The following ZNF420 variants were observed in gnomAD, a reference collection of about 807,000 sequenced individuals.
The protein encoded by ZNF420 is ATM and p53-associated KZNF protein.
Under a neutral mutation model 44.7 loss-of-function variants are expected in ZNF420, and 31 were observed. The observed-to-expected ratio is 0.69, with a 90% CI of 0.52 to 0.94. The LOEUF is 0.94. Ranked by LOEUF, ZNF420 falls within the 40% of genes least tolerant of loss-of-function variation. The pLI is 0.00. For missense variants in ZNF420, 681 were observed against 827.9 expected (o/e 0.82, Z 2.18); for synonymous variants, 245 against 267.4 (o/e 0.92, Z 0.82).
At chr19:37,095,067 G>T (rs1350162739) in intron 4 of ZNF420, among the ~76,000 whole-genome samples, 2 of 150,586 alleles carry the variant, frequency 1.3e-5, no homozygotes, top group Non-Finnish European at 2.9e-5. Flanking sequence ...GGAGGCGGAG[G>T]TTGCAGTGAG....
At chr19:37,123,473 C>T (rs1454232444) in intron 4 of ZNF420, among the ~76,000 whole-genome samples, 1 of 152,048 alleles carries the variant, frequency 6.6e-6, no homozygotes, top group Admixed American at 6.6e-5. Context: ...AAGATACAAC[C>T]TTAGGCTATT....
chr19:37,030,220 G>T (rs1268987900), intron 1 of ZNF420, among the ~76,000 whole-genome samples: 1 of 152,132 alleles, frequency 6.6e-6, no homozygotes, highest in Non-Finnish European at 1.5e-5. Context: ...GGAATGCAGT[G>T]GCGTGATCTC....
intron 3 of ZNF420, among the ~76,000 whole-genome samples, chr19:37,090,109 T>C (rs1222906872): frequency 2.6e-5 from 4 of 152,232 alleles, no homozygotes; most frequent in Non-Finnish European, 1.5e-5. Flanking sequence ...ACAATATACA[T>C]ATTGTATAAA....
At chr19:37,068,732 A>G (rs1968010857) in intron 1 of ZNF420, among the ~76,000 whole-genome samples, 1 of 152,192 alleles carries the variant, frequency 6.6e-6, no homozygotes, top group Admixed American at 6.5e-5. Context: ...GTTTTCAAGA[A>G]GTATATTAAG....
chr19:37,031,936 G>A (rs1264192573), intron 1 of ZNF420, among the ~76,000 whole-genome samples: 1 of 151,330 alleles, frequency 6.6e-6, no homozygotes, highest in Admixed American at 6.6e-5. Context: ...CAGGCGTGGT[G>A]GCTTACACCT....
At chr19:37,024,279 C>T (rs1376205007) in intron 1 of ZNF420, among the ~76,000 whole-genome samples, 1 of 152,116 alleles carries the variant, frequency 6.6e-6, no homozygotes, top group African/African-American at 2.4e-5. Flanking sequence ...TGATTGATCT[C>T]ATGCCTCTCT....
In ZNF420 at chr19:37,086,819, T is replaced by G. The variant is rs548579259; in HGVS notation, c.-80-2220T>G. 6.6e-5 allele frequency among the ~76,000 whole-genome samples: 10 copies of G among 152,368 alleles called. No homozygotes were observed. The East Asian group carries it at 1.9e-3, about 29-fold the overall frequency. ...AGTTTGATGGTGTATCTTCCCATTT[T>G]ACTTTTAGCCCATCTTTATATTTAA... On this transcript the variant is annotated intron_variant, in intron 2 of 4. Transcript: ENST00000337995.
At chr19:37,080,631 T>G (rs541286272) in intron 2 of ZNF420, among the ~76,000 whole-genome samples, 2 of 152,302 alleles carry the variant, frequency 1.3e-5, no homozygotes, top group African/African-American at 4.8e-5. Flanking sequence ...ATAGCTCTAT[T>G]GTGTTATTTA....
intron 1 of ZNF420, among the ~76,000 whole-genome samples, chr19:37,044,631 T>G (rs1967512945): frequency 6.6e-6 from 1 of 151,902 alleles, no homozygotes; most frequent in African/African-American, 2.4e-5. Context: ...TTTGGAAGGC[T>G]GAGGTGAGCG....
intron 4 of ZNF420, among the ~76,000 whole-genome samples, chr19:37,103,503 A>G (rs1969895297): frequency 6.6e-6 from 1 of 152,162 alleles, no homozygotes; most frequent in South Asian, 2.1e-4. Context: ...AATGGTCATG[A>G]CTATTCATCC....
intron 1 of ZNF420, among the ~76,000 whole-genome samples, chr19:37,064,903 TTG>T (rs1434470716): frequency 6.6e-6 from 1 of 151,858 alleles, no homozygotes; most frequent in Admixed American, 6.6e-5. Flanking sequence ...AAAAGACAGT[TTG>T]AGAGAGAAAA....
chr19:37,104,023 CACA>C (rs1262605384), intron 4 of ZNF420, among the ~76,000 whole-genome samples: 1 of 147,966 alleles, frequency 6.8e-6, no homozygotes. Flanking sequence ...GGTACATGTG[CACA>C]ACGTGCAGGT....
In ZNF420 at chr19:37,129,357, TG is replaced by T; in HGVS notation, c.*300del. Reference sequence around the variant, plus strand: ...TCTACTAGTTGATCTTTTTGTTATATGTATCATGATACTTAACCTCTACCTT... The same window carrying T: ...TCTACTAGTTGATCTTTTTGTTATATTATCATGATACTTAACCTCTACCTT... On this transcript the variant is annotated 3_prime_UTR_variant, in exon 5 of 5. Coordinates refer to ENST00000337995, the MANE Select transcript of ZNF420 (RefSeq NM_144689.5). 1 of 329,748 alleles carries T rather than the reference TG, an allele frequency of 3.0e-6. No homozygotes were observed. The highest frequency in any genetic ancestry group is 5.9e-5 in the East Asian group (1 of 16,878). 20.4% of individuals were successfully genotyped at this position (329,748 alleles called of 1,614,324 possible). A position where few individuals can be genotyped will look rare whatever the true frequency, so the allele number is the denominator to read the frequency against.
upstream of ZNF420, among the ~76,000 whole-genome samples, chr19:37,073,510 G>A (rs763123239): frequency 2.6e-5 from 4 of 152,004 alleles, no homozygotes; most frequent in Non-Finnish European, 5.9e-5. Context: ...AGGCCTAGGC[G>A]GGTGGATCAC....
chr19:37,023,147 G>GAA (rs112331823), intron 1 of ZNF420, among the ~76,000 whole-genome samples: 21 of 147,672 alleles, frequency 1.4e-4, no homozygotes, highest in African/African-American at 2.5e-4. Context: ...CAAAGAAAAA[G>GAA]AAAAAAAAAA....
At chr19:37,039,751 A>G (rs1599610240) in intron 1 of ZNF420, among the ~76,000 whole-genome samples, 1 of 148,650 alleles carries the variant, frequency 6.7e-6, no homozygotes, top group East Asian at 2.0e-4. Context: ...CCCAGACTGG[A>G]TTGCAGTGGT....
intron 1 of ZNF420, among the ~76,000 whole-genome samples, chr19:37,029,547 T>TC (rs1489544806): frequency 5.3e-5 from 8 of 151,976 alleles, no homozygotes; most frequent in Middle Eastern, 3.4e-3. Flanking sequence ...TTCTTTTTTT[T>TC]CTTTTACTTT....
intron 4 of ZNF420, chr19:37,092,881 A>G (rs1006417725): frequency 2.6e-5 from 4 of 152,288 alleles, no homozygotes; most frequent in Admixed American, 6.5e-5. Flanking sequence ...ATGTCCATCA[A>G]CTAATGAATG....
intron 4 of ZNF420, among the ~76,000 whole-genome samples, chr19:37,112,855 A>T (rs1357433444): frequency 1.3e-5 from 2 of 152,230 alleles, no homozygotes; most frequent in Non-Finnish European, 2.9e-5. Flanking sequence ...TCCTGAGATT[A>T]GTCCTACAGT....
Sources: gnomAD v4.1 joint callset for allele counts (sites outside exome capture counted in the v4.1 genomes callset) on GRCh38, gnomAD v4.1.1 for gene constraint, MANE v1.5 for transcripts, NCBI Gene and HGNC (gene_info 2026-07-23, HGNC 2026-07-21) for gene names.